The following TEX101 variants were observed in gnomAD, a reference collection of about 807,000 sequenced individuals.
TEX101 encodes testis-expressed protein 101.
Under a neutral mutation model 18.1 loss-of-function variants are expected in TEX101, and 10 were observed. That is an observed-to-expected ratio of 0.55 (90% CI 0.34 to 0.94). The LOEUF is 0.94. TEX101 is among the 40% of genes least tolerant of loss of function. TEX101 has a pLI of 0.02. For synonymous variants in TEX101, 94 were observed against 114.8 expected (o/e 0.82, Z 1.16); for missense variants, 259 against 298.9 (o/e 0.87, Z 0.98).
chr19:43,396,273 T>A, the TEX101 span, among the ~76,000 whole-genome samples: 4 of 152,200 alleles, frequency 2.6e-5, no homozygotes, highest in African/African-American at 9.7e-5. Flanking sequence ...AGGGAAGGTT[T>A]CCTAGAGGAA....
chr19:43,390,779 T>A, the TEX101 span, among the ~76,000 whole-genome samples: 1 of 141,592 alleles, frequency 7.1e-6, no homozygotes, highest in Non-Finnish European at 1.5e-5. Context: ...TTAACCACTT[T>A]TAAGTGTACA....
rs142112984 is a variant in TEX101, at chr19:43,417,109, G to A, written c.391+554G>A. ...TGGTATTATCAGTCTAACAAGTATT[G>A]GTTTCCCACTGCTGCACGAGAACGG... On this transcript the variant is annotated intron_variant, in intron 4 of 5. Coordinates refer to ENST00000598265, the MANE Select transcript of TEX101 (RefSeq NM_001130011.3). Among the ~76,000 whole-genome samples, 1,244 of 151,214 alleles carry A rather than the reference G, an allele frequency of 8.2e-3. 21 individuals carry two copies. The highest frequency in any genetic ancestry group is 0.029 in the African/African-American group (1,179 of 41,128).
Position 43,415,910 on chromosome 19 carries a change from A to G in TEX101, c.-10A>G. 1.2e-6 allele frequency: 2 copies of G among 1,614,102 alleles called. No individual in the cohort carries two copies. The highest frequency in any genetic ancestry group is 8.5e-7 in the Non-Finnish European group (1 of 1,180,016). Reference sequence around the variant, plus strand: ...AGACCAGCTCCTCCCAGACCTCTCCAGAAGAAGCCATGGGAACCCCTCGTA... The same window carrying G: ...AGACCAGCTCCTCCCAGACCTCTCCGGAAGAAGCCATGGGAACCCCTCGTA... On this transcript the variant is annotated 5_prime_UTR_variant, in exon 2 of 6. Coordinates refer to ENST00000598265, the MANE Select transcript of TEX101 (RefSeq NM_001130011.3).
chr19:43,397,168 T>G (rs1444745846), upstream of TEX101, among the ~76,000 whole-genome samples: 3 of 152,102 alleles, frequency 2.0e-5, no homozygotes, highest in Admixed American at 6.6e-5. Context: ...AGCTGGGTGA[T>G]TGTGACTTGG....
At chr19:43,394,287 C>A in the TEX101 span, among the ~76,000 whole-genome samples, 1 of 152,016 alleles carries the variant, frequency 6.6e-6, no homozygotes, top group Non-Finnish European at 1.5e-5. Flanking sequence ...GAGCAAATGT[C>A]CCCGCTTCCC....
At chr19:43,416,040 A>C (rs1970472429) in intron 2 of TEX101, 57 bp downstream of exon 2, 4 of 1,611,020 alleles carry the variant, frequency 2.5e-6, no homozygotes, top group Non-Finnish European at 3.4e-6. Flanking sequence ...ACTGATGATG[A>C]AAAGGGAGCC....
In TEX101 at chr19:43,416,569, G is replaced by T. The variant is rs749495666; in HGVS notation, c.391+14G>T. 1.4e-5 allele frequency: 23 copies of T among 1,608,232 alleles called. No individual in the cohort carries two copies. In the African/African-American group the frequency reaches 2.3e-4, roughly 16 times the overall value. On this transcript the variant is annotated intron_variant, in intron 4 of 5. Transcript: ENST00000598265. Reference sequence around the variant, plus strand: ...GTGAGACCACAGGTACCCTGGAAGTGGGGGAGATAGGTACTAAGAGAAACT... The same window carrying T: ...GTGAGACCACAGGTACCCTGGAAGTTGGGGAGATAGGTACTAAGAGAAACT...
upstream of TEX101, among the ~76,000 whole-genome samples, chr19:43,413,551 C>T (rs554991382): frequency 1.6e-4 from 24 of 151,458 alleles, no homozygotes; most frequent in Non-Finnish European, 2.2e-4. Flanking sequence ...GCTCTTAAGA[C>T]GCAAGTCTGC....
At chr19:43,398,656 A>T (rs958649124), upstream of TEX101, among the ~76,000 whole-genome samples, 1 of 151,898 alleles carries the variant, frequency 6.6e-6, no homozygotes, top group South Asian at 2.1e-4. Flanking sequence ...TCCACTACCC[A>T]TTTTTTTCAT....
At chr19:43,418,068 G>A in intron 5 of TEX101, 62 bp downstream of exon 5, 4 of 1,613,332 alleles carry the variant, frequency 2.5e-6, no homozygotes, top group Non-Finnish European at 3.4e-6. Context: ...TGGCTCCCCA[G>A]AGATTCTGAC....
At chr19:43,406,378 C>T (rs1270858360) in exon 3 of TEX101, 1 of 685,690 alleles carries the variant, frequency 1.5e-6, no homozygotes, top group Non-Finnish European at 2.7e-6. Flanking sequence ...TCCAGCGACA[C>T]CACAGCCAAG....
upstream of TEX101, among the ~76,000 whole-genome samples, chr19:43,397,927 A>T (rs1333058103): frequency 1.0e-4 from 6 of 57,906 alleles, no homozygotes; most frequent in African/African-American, 4.3e-4. Context: ...TATTATATAT[A>T]AATATATAAT....
chr19:43,391,620 T>C, the TEX101 span, among the ~76,000 whole-genome samples: 7 of 152,160 alleles, frequency 4.6e-5, no homozygotes, highest in Non-Finnish European at 7.4e-5. Context: ...TTTTTCTCAC[T>C]ATACGGTGTA....
chr19:43,403,575 A>G (rs1970336114), intron 2 of TEX101, among the ~76,000 whole-genome samples: 1 of 152,196 alleles, frequency 6.6e-6, no homozygotes, highest in Non-Finnish European at 1.5e-5. Flanking sequence ...CTAGAACTTA[A>G]AGTATAATAA....
At chr19:43,389,581 C>A in the TEX101 span, among the ~76,000 whole-genome samples, 11 of 152,064 alleles carry the variant, frequency 7.2e-5, no homozygotes, top group African/African-American at 2.7e-4. Flanking sequence ...TCATGAGGGC[C>A]CTTGGAGCTT....
At chr19:43,401,309 C>T (rs1970316140), upstream of TEX101, among the ~76,000 whole-genome samples, 1 of 152,216 alleles carries the variant, frequency 6.6e-6, no homozygotes, top group Admixed American at 6.5e-5. Flanking sequence ...TGTATAGACA[C>T]ACAAACACAT....
intron 1 of TEX101, 49 bp downstream of exon 1, chr19:43,415,087 TTGG>T (rs1970458438): frequency 1.0e-6 from 1 of 983,848 alleles, no homozygotes; most frequent in African/African-American, 1.8e-5. Flanking sequence ...GGAACGAGGG[TTGG>T]GGGCCTGGGC....
the TEX101 span, among the ~76,000 whole-genome samples, chr19:43,389,657 G>GT: frequency 6.6e-6 from 1 of 152,176 alleles, no homozygotes; most frequent in Non-Finnish European, 1.5e-5. Context: ...GAGCTGGGCG[G>GT]TTTTCTCTGA....
the TEX101 span, among the ~76,000 whole-genome samples, chr19:43,389,074 C>T: frequency 1.2e-4 from 18 of 152,106 alleles, no homozygotes; most frequent in Non-Finnish European, 2.1e-4. Flanking sequence ...AGGCAGAAAC[C>T]GGCTTCTCAG....
Sources: gnomAD v4.1 joint callset for allele counts (sites outside exome capture counted in the v4.1 genomes callset) on GRCh38, gnomAD v4.1.1 for gene constraint, MANE v1.5 for transcripts, NCBI Gene and HGNC (gene_info 2026-07-23, HGNC 2026-07-21) for gene names.